Variants in PTMA observed in about 807,000 individuals in gnomAD.
PTMA encodes gene sequence 28.
A neutral mutation model predicts 16.9 loss-of-function variants in PTMA; 4 were observed. The observed-to-expected ratio is 0.24, with a 90% CI of 0.12 to 0.54. The LOEUF is 0.54. Ranked by LOEUF, PTMA falls within the 20% of genes least tolerant of loss-of-function variation. The pLI is 0.95. For synonymous variants in PTMA, 58 were observed against 47.9 expected, an observed-to-expected ratio of 1.21 and a Z score of -0.87; for missense variants, 120 against 137.7, an observed-to-expected ratio of 0.87 and a Z score of 0.64.
Position 231,713,389 on chromosome 2 carries a change from T to TAAC in PTMA, c.*538_*539insAAC, listed in dbSNP as rs1431343886. 2.0e-6 allele frequency: 1 copy of TAAC among 511,330 alleles called. No homozygotes were observed. Among genetic ancestry groups the TAAC allele is most frequent in the African/African-American group, 2.0e-5 (1 of 50,174 alleles). 31.7% of individuals were successfully genotyped at this position (511,330 alleles called of 1,614,324 possible). A position where few individuals can be genotyped will look rare whatever the true frequency, so the allele number is the denominator to read the frequency against. On this transcript the variant is annotated 3_prime_UTR_variant, in exon 5 of 5. Coordinates refer to ENST00000409115, the MANE Select transcript of PTMA (RefSeq NM_002823.5). ...CTATAAGTAGTTGGTTTGTATGAGA[T>TAAC]GGTTAAAAAGGCCAAAGATAAAAGG...
chr2:231,713,381 G>A lies in PTMA; in HGVS notation c.*530G>A, dbSNP rs530674898. 132 of 511,838 alleles carry A rather than the reference G, an allele frequency of 2.6e-4. 5 individuals carry two copies. Among genetic ancestry groups the A allele is most frequent in the South Asian group, 1.9e-3 (125 of 66,204 alleles). The allele number at this position is 511,838 out of a possible 1,614,324, so 31.7% of individuals were successfully genotyped here. Reference sequence around the variant, plus strand: ...TAGCTGTACTATAAGTAGTTGGTTTGTATGAGATGGTTAAAAAGGCCAAAG... The same window carrying A: ...TAGCTGTACTATAAGTAGTTGGTTTATATGAGATGGTTAAAAAGGCCAAAG... On this transcript the variant is annotated 3_prime_UTR_variant, in exon 5 of 5. Coordinates refer to ENST00000409115, the MANE Select transcript of PTMA (RefSeq NM_002823.5).
In PTMA at chr2:231,713,326, G is replaced by T. The variant is rs1301934404; in HGVS notation, c.*475G>T. 1 of 508,748 alleles carries T rather than the reference G, an allele frequency of 2.0e-6. No homozygotes were observed. Among genetic ancestry groups the T allele is most frequent in the East Asian group, 5.5e-5 (1 of 18,222 alleles). 31.5% of individuals were successfully genotyped at this position (508,748 alleles called of 1,614,324 possible). A position where few individuals can be genotyped will look rare whatever the true frequency, so the allele number is the denominator to read the frequency against. On this transcript the variant is annotated 3_prime_UTR_variant, in exon 5 of 5. Transcript: ENST00000409115. ...CAACAGAAAAACAATCTTATTCCGA[G>T]CATTCCAGTAACTTTTTTGTGTATG...
At chr2:231,710,080 G>A (rs1383314099) in intron 1 of PTMA, 1 of 1,233,410 alleles carries the variant, frequency 8.1e-7, no homozygotes, top group Admixed American at 4.3e-5. Flanking sequence ...TTCCCGCGAG[G>A]GCGATGAGTA....
At chr2:231,709,135 T>C (rs1164249458) in intron 1 of PTMA, among the ~76,000 whole-genome samples, 1 of 152,056 alleles carries the variant, frequency 6.6e-6, no homozygotes, top group African/African-American at 2.4e-5. Context: ...GCGTTGGGAA[T>C]CGGAAGTGCT....
intron 1 of PTMA, 115 bp downstream of exon 1, chr2:231,708,866 C>G (rs569605241): frequency 7.8e-7 from 1 of 1,275,512 alleles, no homozygotes; most frequent in Admixed American, 2.4e-5. Context: ...CGCGGGGAAA[C>G]GGCCCGCCCC....
intron 1 of PTMA, 118 bp from the exon 2 acceptor site, chr2:231,711,230 C>G: frequency 5.0e-6 from 4 of 807,930 alleles, no homozygotes; most frequent in East Asian, 2.5e-5. Context: ...TCTCAACATG[C>G]GACTCTTAAT....
At chr2:231,711,303 G>A in intron 1 of PTMA, 45 bp from the exon 2 acceptor site, 3 of 1,537,306 alleles carry the variant, frequency 2.0e-6, no homozygotes, top group Non-Finnish European at 2.7e-6. Context: ...ACCCTGGGTT[G>A]CTCAGAAGAC....
intron 1 of PTMA, among the ~76,000 whole-genome samples, chr2:231,709,038 G>A (rs1458750815): frequency 2.0e-5 from 3 of 152,218 alleles, no homozygotes; most frequent in African/African-American, 7.2e-5. Context: ...CTCGTCTGTG[G>A]CCGGTATGAG....
chr2:231,710,830 C>T (rs1252128503), intron 1 of PTMA, among the ~76,000 whole-genome samples: 1 of 152,250 alleles, frequency 6.6e-6, no homozygotes, highest in Non-Finnish European at 1.5e-5. Context: ...TTTTAGATAC[C>T]TGTCCTGGCC....
At chr2:231,710,352 C>T (rs1444077191) in intron 1 of PTMA, 2 of 1,208,956 alleles carry the variant, frequency 1.7e-6, no homozygotes, top group East Asian at 3.4e-5. Context: ...GCGCGCGGTG[C>T]GTGCCGAGGC....
chr2:231,709,986 C>T (rs1420537807), intron 1 of PTMA: 23 of 1,029,700 alleles, frequency 2.2e-5, no homozygotes, highest in South Asian at 5.0e-5. Flanking sequence ...TGGACTCAGT[C>T]CGGGAATGAG....
rs747548334 is a variant in PTMA at position 231,713,431 on chromosome 2, T to G, written c.*580T>G. ...GATAAAAGGTTTCTTTTTTTTTCCT[T>G]TTTTGTCTATGAAGTTGCTGTTTAT... On this transcript the variant is annotated 3_prime_UTR_variant, in exon 5 of 5. Coordinates refer to ENST00000409115, the MANE Select transcript of PTMA (RefSeq NM_002823.5). 3.9e-6 allele frequency: 2 copies of G among 509,862 alleles called. No homozygotes were observed. The highest frequency in any genetic ancestry group is 3.3e-4 in the Middle Eastern group (1 of 3,038). The allele number at this position is 509,862 out of a possible 1,614,324, so 31.6% of individuals were successfully genotyped here.
At chr2:231,709,999 T>A (rs2048495432) in intron 1 of PTMA, 2 of 1,086,850 alleles carry the variant, frequency 1.8e-6, no homozygotes, top group South Asian at 9.5e-5. Flanking sequence ...GGAATGAGTT[T>A]GTGGGGTGAG....
At position 231,711,619 on chromosome 2, in the gene PTMA, T is replaced by A. The variant is rs373104217; in HGVS notation, c.117+200T>A. 444 of 735,588 alleles carry A rather than the reference T, an allele frequency of 6.0e-4. 3 individuals are homozygous for A. The highest frequency in any genetic ancestry group is 5.1e-3 in the African/African-American group (288 of 56,334). 45.6% of individuals were successfully genotyped at this position (735,588 alleles called of 1,614,324 possible). A position where few individuals can be genotyped will look rare whatever the true frequency, so the allele number is the denominator to read the frequency against. The stretch of plus-strand genomic sequence containing the variant: ...TTATAAAAACCTTTCGAGCAGCGCC[T>A]GAACAAGAATAGGTTCAGAGGAGAC... On this transcript the variant is annotated intron_variant, in intron 2 of 4. Coordinates refer to ENST00000409115, the MANE Select transcript of PTMA (RefSeq NM_002823.5).
chr2:231,708,916 C>CGGGGGA (rs2048475965), intron 1 of PTMA, among the ~76,000 whole-genome samples, 165 bp downstream of exon 1: 1 of 152,134 alleles, frequency 6.6e-6, no homozygotes, highest in Admixed American at 6.5e-5. Context: ...TTGTGTGGTG[C>CGGGGGA]GGGGGAGGGG....
At chr2:231,710,075 G>T in intron 1 of PTMA, 1 of 1,231,172 alleles carries the variant, frequency 8.1e-7, no homozygotes, top group Non-Finnish European at 1.0e-6. Flanking sequence ...GTGACTTCCC[G>T]CGAGGGCGAT....
rs2048469473 is a variant in PTMA at position 231,708,569 on chromosome 2, T to C, written c.-138T>C. ...AAAGCCATCTTTGCATTGTTCCTCATCCGCCTCCTTGCTCGCCGCAGCCGC... is the reference window on the plus strand; with the variant it reads ...AAAGCCATCTTTGCATTGTTCCTCACCCGCCTCCTTGCTCGCCGCAGCCGC... On this transcript the variant is annotated 5_prime_UTR_variant, in exon 1 of 5. Transcript: ENST00000409115. 3.0e-6 allele frequency: 3 copies of C among 993,428 alleles called. No homozygotes were observed. Among genetic ancestry groups the C allele is most frequent in the South Asian group, 1.3e-5 (1 of 76,654 alleles). The allele number at this position is 993,428 out of a possible 1,614,324, so 61.5% of individuals were successfully genotyped here.
At chr2:231,708,876 C>T (rs1300097462) in intron 1 of PTMA, 125 bp downstream of exon 1, 1 of 1,193,072 alleles carries the variant, frequency 8.4e-7, no homozygotes, top group Admixed American at 2.5e-5. Flanking sequence ...CGGCCCGCCC[C>T]CGGCGCGGTG....
intron 3 of PTMA, 91 bp from the exon 4 acceptor site, chr2:231,712,352 G>C (rs1044340783): frequency 7.4e-7 from 1 of 1,350,642 alleles, no homozygotes; most frequent in South Asian, 1.2e-5. Context: ...GCAGGGCAGG[G>C]ACCTTGCAGT....
Sources: gnomAD v4.1 joint callset for allele counts (sites outside exome capture counted in the v4.1 genomes callset) on GRCh38, gnomAD v4.1.1 for gene constraint, MANE v1.5 for transcripts, NCBI Gene and HGNC (gene_info 2026-07-23, HGNC 2026-07-21) for gene names.